The following NCOR2 variants were observed in gnomAD, a reference collection of about 807,000 sequenced individuals.
NCOR2 encodes nuclear receptor corepressor 2.
NCOR2 carries 81 observed loss-of-function variants against 262.9 expected under a neutral mutation model. The ratio of observed to expected loss-of-function variants is 0.31; its 90% CI spans 0.26 to 0.37. NCOR2 has a LOEUF of 0.37. Ranked by LOEUF, NCOR2 falls within the 10% of genes least tolerant of loss-of-function variation. The pLI is 1.00. For synonymous variants in NCOR2, 1,659 were observed against 1,559.3 expected (o/e 1.06, Z -1.51); for missense variants, 3,385 against 3,621.4 (o/e 0.93, Z 1.68).
At chr12:124,493,967 G>A (rs1410239501) in intron 1 of NCOR2, among the ~76,000 whole-genome samples, 2 of 152,124 alleles carry the variant, frequency 1.3e-5, no homozygotes, top group African/African-American at 2.4e-5. Context: ...TCACAGGGCC[G>A]CCCAGGAGAA....
At chr12:124,333,894 G>GTA (rs1340281113) in intron 41 of NCOR2, among the ~76,000 whole-genome samples, 8 of 147,518 alleles carry the variant, frequency 5.4e-5, no homozygotes, top group Admixed American at 5.3e-4. Context: ...GCATGTGTGT[G>GTA]TGCGCGCGCA....
exon 31 of NCOR2, chr12:124,346,767 G>A (rs1004180765): frequency 6.4e-7 from 1 of 1,558,244 alleles, no homozygotes; most frequent in Admixed American, 1.9e-5. Context: ...GGCGGTGGGG[G>A]CGGAGGCGTG....
At chr12:124,374,564 C>G (rs913823225) in intron 18 of NCOR2, 101 bp from the exon 21 acceptor site, 5 of 1,110,486 alleles carry the variant, frequency 4.5e-6, no homozygotes, top group African/African-American at 1.6e-5. Flanking sequence ...GCCCAGTGCA[C>G]AGCAGTGAGG....
rs1346376515 is a variant in NCOR2 at position 124,440,006 on chromosome 12, T to C, written c.816-2010A>G. 6.6e-6 allele frequency among the ~76,000 whole-genome samples: 1 copy of C among 151,230 alleles called. No homozygotes were observed. The highest frequency in any genetic ancestry group is 1.5e-5 in the Non-Finnish European group (1 of 67,852). On this transcript the variant is annotated intron_variant, in intron 7 of 46. Coordinates refer to ENST00000405201, the Ensembl canonical transcript of NCOR2. The surrounding 1 kb of genome is among the most constrained non-coding windows in gnomAD (Gnocchi z 5.7). ...GAGACCCCAGGACCGTCCTCTTCTC[T>C]TCCCAGGCCCCTCCCCACGGTCTCC... is the stretch of plus-strand genomic sequence containing the variant.
intron 13 of NCOR2, among the ~76,000 whole-genome samples, chr12:124,417,122 C>T (rs112785198): frequency 2.8e-3 from 357 of 128,474 alleles, no homozygotes; most frequent in African/African-American, 7.5e-3. Context: ...AGTCACTCCA[C>T]GGAGAGCAGA....
chr12:124,339,768 CCCAT>C (rs200830520), intron 37 of NCOR2, among the ~76,000 whole-genome samples: 12 of 137,790 alleles, frequency 8.7e-5, no homozygotes, highest in African/African-American at 1.1e-4. Context: ...CGACCACCCC[CCCAT>C]CCATCCATCC....
intron 1 of NCOR2, among the ~76,000 whole-genome samples, chr12:124,492,698 G>C (rs1047637653): frequency 1.3e-5 from 2 of 152,148 alleles, no homozygotes; most frequent in African/African-American, 4.8e-5. Flanking sequence ...TTCGAACTGG[G>C]TCTTGCCCTT....
chr12:124,376,284 C>T (rs10846663), intron 18 of NCOR2, among the ~76,000 whole-genome samples: 107,920 of 152,146 alleles, frequency 0.71, 38,893 homozygotes, highest in Middle Eastern at 0.77. Context: ...TACGGGGCTA[C>T]GTAAGCTCTG....
At chr12:124,363,697 C>G (rs201973229) in exon 21 of NCOR2, 3 of 1,395,306 alleles carry the variant, frequency 2.2e-6, no homozygotes, top group Non-Finnish European at 2.8e-6. Flanking sequence ...GGATGGCAGC[C>G]GCTCGCTGCT....
At chr12:124,331,211 C>T (rs542753496) in intron 43 of NCOR2, among the ~76,000 whole-genome samples, 51 of 152,024 alleles carry the variant, frequency 3.4e-4, no homozygotes, top group Admixed American at 1.5e-3. Context: ...TACAGACATC[C>T]GCCACCACGC....
intron 14 of NCOR2, among the ~76,000 whole-genome samples, chr12:124,401,956 TCA>T (rs1469814546): frequency 4.6e-5 from 7 of 152,166 alleles, no homozygotes; most frequent in Non-Finnish European, 1.5e-5. Context: ...CTGCAAGAAC[TCA>T]CACTGCCATC....
intron 7 of NCOR2, among the ~76,000 whole-genome samples, chr12:124,446,233 C>A (rs1050791400): frequency 6.6e-6 from 1 of 152,188 alleles, no homozygotes; most frequent in African/African-American, 2.4e-5. Flanking sequence ...ACAGGGTGCT[C>A]ACTACCTACC....
intron 37 of NCOR2, among the ~76,000 whole-genome samples, chr12:124,338,944 C>G (rs1459257291): frequency 7.7e-6 from 1 of 129,470 alleles, no homozygotes; most frequent in South Asian, 2.9e-4. Flanking sequence ...GCCATCTATA[C>G]TCTCACCCAC....
chr12:124,436,394 C>T (rs2044339928), intron 8 of NCOR2, among the ~76,000 whole-genome samples: 1 of 152,176 alleles, frequency 6.6e-6, no homozygotes, highest in Admixed American at 6.5e-5. Context: ...GGAGCCCCTC[C>T]AGCCTCCAGC....
chr12:124,325,379 C>CCGCCACCGCCCG (rs368678225), exon 47 of NCOR2: 3 of 317,134 alleles, frequency 9.5e-6, no homozygotes, highest in Non-Finnish European at 1.5e-5. Context: ...CTGACACCGC[C>CCGCCACCGCCCG]CCCCCCCCCG....
exon 34 of NCOR2, chr12:124,341,860 C>A: frequency 6.2e-7 from 1 of 1,610,336 alleles, no homozygotes; most frequent in Non-Finnish European, 8.5e-7. Flanking sequence ...CCAGCGAGGA[C>A]TCGCGGGGCG....
chr12:124,402,159 G>A (rs891633557), intron 14 of NCOR2, among the ~76,000 whole-genome samples: 1 of 152,186 alleles, frequency 6.6e-6, no homozygotes, highest in African/African-American at 2.4e-5. Flanking sequence ...AGTCTCTAAA[G>A]TCTCCAGAGG....
In NCOR2 at chr12:124,504,272, C is replaced by T. The variant is rs1195233162; in HGVS notation, c.-117-8904G>A. Among the ~76,000 whole-genome samples the T allele has an allele frequency of 6.6e-6, 1 of 152,226 alleles. No homozygotes were observed. The highest frequency in any genetic ancestry group is 6.5e-5 in the Admixed American group (1 of 15,286). On this transcript the variant is annotated intron_variant, in intron 1 of 46. Transcript: ENST00000404621. The surrounding 1 kb of genome is among the most constrained non-coding windows in gnomAD (Gnocchi z 4.5). ...CAGAAAGCTGGGGTGCCCGGAGCGT[C>T]TCGTCAGGTCCCAGACTTGCTCCCT...
intron 1 of NCOR2, among the ~76,000 whole-genome samples, chr12:124,563,036 G>A (rs1342153767): frequency 6.6e-6 from 1 of 152,222 alleles, no homozygotes; most frequent in Non-Finnish European, 1.5e-5. Context: ...AAGCTGCAGA[G>A]CTGAACAGCA....
Sources: allele counts gnomAD v4.1 joint callset (sites outside exome capture counted in the v4.1 genomes callset), GRCh38; gene constraint gnomAD v4.1.1; non-coding constraint Gnocchi (gnomAD v3.1); transcripts MANE v1.5; gene names NCBI Gene and HGNC (gene_info 2026-07-23, HGNC 2026-07-21).